SLAIN1: variants seen among roughly 807,000 people sequenced by gnomAD.
The protein encoded by SLAIN1 is SLAIN motif-containing protein 1.
Under a neutral mutation model 55.4 loss-of-function variants are expected in SLAIN1, and 17 were observed. The observed-to-expected ratio is 0.31, with a 90% CI of 0.21 to 0.46. The LOEUF (loss-of-function observed/expected upper bound fraction) is 0.46. Among genes scored for constraint, SLAIN1 ranks in the 20% least tolerant of loss-of-function variants. SLAIN1 has a pLI of 1.00. For synonymous variants in SLAIN1, 348 were observed against 337.4 expected (o/e 1.03, Z -0.35); for missense variants, 682 against 785.1 (o/e 0.87, Z 1.57).
At chr13:77,744,489 A>AG (rs1295496566) in intron 3 of SLAIN1, 57 bp downstream of exon 3, 33 of 1,600,834 alleles carry the variant, frequency 2.1e-5, no homozygotes, top group African/African-American at 2.7e-5. Context: ...ATACAGGCAG[A>AG]GGGGGAGGTT....
At chr13:77,747,353 T>C (rs1277564147) in intron 4 of SLAIN1, among the ~76,000 whole-genome samples, 1 of 152,130 alleles carries the variant, frequency 6.6e-6, no homozygotes, top group Non-Finnish European at 1.5e-5. Flanking sequence ...GGCTTCTGAT[T>C]ACGTGTCCCA....
At chr13:77,731,473 T>G (rs1872857870) in intron 2 of SLAIN1, among the ~76,000 whole-genome samples, 1 of 152,110 alleles carries the variant, frequency 6.6e-6, no homozygotes, top group Admixed American at 6.6e-5. Context: ...TGCACCCTAT[T>G]TTAACAGTGG....
chr13:77,701,906 A>T (rs1222067576), intron 1 of SLAIN1, among the ~76,000 whole-genome samples: 1 of 131,796 alleles, frequency 7.6e-6, no homozygotes, highest in Non-Finnish European at 1.6e-5. Context: ...TCCCAATGCT[A>T]TCCCTCCCCC....
rs1875197700 is a variant in SLAIN1, at chr13:77,763,226, T to C, written c.*6T>C. 12 of 1,610,928 alleles carry C rather than the reference T, an allele frequency of 7.4e-6. No homozygotes were observed. Among genetic ancestry groups the C allele is most frequent in the Admixed American group, 1.7e-5 (1 of 59,950 alleles). The stretch of plus-strand genomic sequence containing the variant: ...GGAGAGATGGTTGCTACTAATGCAG[T>C]TTTATGTACCCTTGAAAAATGGGAA... On this transcript the variant is annotated 3_prime_UTR_variant, in exon 7 of 7. Coordinates refer to ENST00000418532, the MANE Select transcript of SLAIN1 (RefSeq NM_001242868.2).
chr13:77,734,724 C>T (rs188917931), intron 2 of SLAIN1, among the ~76,000 whole-genome samples: 1 of 152,104 alleles, frequency 6.6e-6, no homozygotes, highest in Non-Finnish European at 1.5e-5. Context: ...CATTTTCTTT[C>T]AGAATGTAGA....
Position 77,698,559 on chromosome 13 carries a change from C to G in SLAIN1, c.626+20C>G, listed in dbSNP as rs1162567053. 4 of 1,404,124 alleles carry G rather than the reference C, an allele frequency of 2.8e-6. No homozygotes were observed. In the South Asian group the frequency reaches 4.8e-5, roughly 17 times the overall value. The allele number at this position is 1,404,124 out of a possible 1,614,324, so 87.0% of individuals were successfully genotyped here. ...CACCTGGTACTGCCTGGCTCCGCTC[C>G]TTCCCCGAGACCCTGGCCTCGGGGG... On this transcript the variant is annotated intron_variant, in intron 1 of 6. Transcript: ENST00000418532. The surrounding 1 kb of genome is among the most constrained non-coding windows in gnomAD (Gnocchi z 4.1).
chr13:77,727,908 C>T (rs1264859202), intron 2 of SLAIN1, among the ~76,000 whole-genome samples: 10 of 152,128 alleles, frequency 6.6e-5, no homozygotes, highest in Non-Finnish European at 1.3e-4. Flanking sequence ...AGAAATTGAA[C>T]ATAAAATACA....
At chr13:77,762,895 C>T (rs1291357550) in intron 6 of SLAIN1, among the ~76,000 whole-genome samples, 1 of 151,888 alleles carries the variant, frequency 6.6e-6, no homozygotes, top group Non-Finnish European at 1.5e-5. Context: ...GGTATTGGCC[C>T]CTTTATTTAT....
At chr13:77,737,879 G>A (rs1042800834) in intron 2 of SLAIN1, among the ~76,000 whole-genome samples, 1 of 152,060 alleles carries the variant, frequency 6.6e-6, no homozygotes, top group Non-Finnish European at 1.5e-5. Flanking sequence ...GAGGAGAACA[G>A]TCACCATATC....
chr13:77,733,693 C>T (rs928653776), intron 2 of SLAIN1, among the ~76,000 whole-genome samples: 2 of 152,144 alleles, frequency 1.3e-5, no homozygotes, highest in Non-Finnish European at 2.9e-5. Flanking sequence ...AATACACTGA[C>T]AAATACATTA....
Position 77,698,644 on chromosome 13 carries a change from G to A in SLAIN1, c.626+105G>A. On this transcript the variant is annotated intron_variant, in intron 1 of 6. Transcript: ENST00000418532. The surrounding 1 kb of genome is among the most constrained non-coding windows in gnomAD (Gnocchi z 4.1). ...CGGGGGTCCCCTCGCGGCAGCCGGG[G>A]TGACTCCCCGCGGCTCCCGGAGGGG... The A allele has an allele frequency of 7.6e-7, 1 of 1,307,204 alleles. No homozygotes were observed. Among genetic ancestry groups the A allele is most frequent in the East Asian group, 3.0e-5 (1 of 33,474 alleles). The allele number at this position is 1,307,204 out of a possible 1,614,324, so 81.0% of individuals were successfully genotyped here.
At chr13:77,729,354 G>T (rs1180651960) in intron 2 of SLAIN1, among the ~76,000 whole-genome samples, 1 of 151,850 alleles carries the variant, frequency 6.6e-6, no homozygotes, top group Non-Finnish European at 1.5e-5. Flanking sequence ...AATAATGGTT[G>T]TTCTGGTGAA....
Position 77,763,297 on chromosome 13 carries a change from T to A in SLAIN1, c.*77T>A. 9.1e-7 allele frequency: 1 copy of A among 1,104,048 alleles called. No individual in the cohort carries two copies. The highest frequency in any genetic ancestry group is 2.4e-5 in the East Asian group (1 of 42,518). The allele number at this position is 1,104,048 out of a possible 1,614,324, so 68.4% of individuals were successfully genotyped here. A position where few individuals can be genotyped will look rare whatever the true frequency, so the allele number is the denominator to read the frequency against. ...TGTTACCTAGCTGGCTGGGTAGCAG[T>A]GGATGTTGGGATATTCTTTCCCTTT... On this transcript the variant is annotated 3_prime_UTR_variant, in exon 7 of 7. Transcript: ENST00000418532.
At chr13:77,719,318 G>A (rs768206079) in intron 1 of SLAIN1, among the ~76,000 whole-genome samples, 14 of 150,364 alleles carry the variant, frequency 9.3e-5, no homozygotes, top group Non-Finnish European at 2.1e-4. Flanking sequence ...GGGGAAAATT[G>A]TTAGACCTTT....
Position 77,763,294 on chromosome 13 carries a change from C to A in SLAIN1, c.*74C>A, listed in dbSNP as rs1875207170. The A allele has an allele frequency of 8.7e-7, 1 of 1,155,556 alleles. No individual in the cohort carries two copies. The highest frequency in any genetic ancestry group is 2.3e-5 in the East Asian group (1 of 42,692). 71.6% of individuals were successfully genotyped at this position (1,155,556 alleles called of 1,614,324 possible). ...TTGTGTTACCTAGCTGGCTGGGTAG[C>A]AGTGGATGTTGGGATATTCTTTCCC... is the stretch of plus-strand genomic sequence containing the variant. On this transcript the variant is annotated 3_prime_UTR_variant, in exon 7 of 7. Transcript: ENST00000418532.
chr13:77,698,259 G>A lies in SLAIN1; in HGVS notation c.346G>A (p.Gly116Ser), dbSNP rs1209815727. Residue 116 changes from glycine (G) to serine (S), a missense_variant, in exon 1 of 7, where the codon GGT (glycine) becomes AGT (serine). Coordinates refer to ENST00000418532, the MANE Select transcript of SLAIN1 (RefSeq NM_001242868.2). The surrounding 1 kb of genome is among the most constrained non-coding windows in gnomAD (Gnocchi z 4.1). ...TGGCGGCAGCGGTAGTGGCAGCGGC[G>A]GTGGCTCCAGCCCCGCGTTCCCGGG... ...GGGGSGSGSGGGSSPAFPGTF... is the reference protein window; with the variant it reads ...GGGGSGSGSGSGSSPAFPGTF... The A allele has an allele frequency of 2.9e-6, 4 of 1,399,062 alleles. No homozygotes were observed. In the African/African-American group the frequency reaches 6.0e-5, roughly 21 times the overall value. 86.7% of individuals were successfully genotyped at this position (1,399,062 alleles called of 1,614,324 possible).
At chr13:77,761,524 G>A (rs1232779349) in intron 6 of SLAIN1, among the ~76,000 whole-genome samples, 1 of 152,118 alleles carries the variant, frequency 6.6e-6, no homozygotes, top group East Asian at 1.9e-4. Flanking sequence ...GTGTATCCCC[G>A]ATGCCAAGAA....
chr13:77,699,092 G>T (rs1249391194), intron 1 of SLAIN1: 1 of 1,511,974 alleles, frequency 6.6e-7, no homozygotes, highest in East Asian at 2.5e-5. Flanking sequence ...GCAGTCGTGT[G>T]CCCTTTTGCG....
intron 1 of SLAIN1, among the ~76,000 whole-genome samples, chr13:77,713,846 A>T (rs1404986663): frequency 6.6e-6 from 1 of 152,180 alleles, no homozygotes; most frequent in Non-Finnish European, 1.5e-5. Flanking sequence ...CAGCCATAAA[A>T]AAAGGATGAG....
Sources: gnomAD v4.1 joint callset for allele counts (sites outside exome capture counted in the v4.1 genomes callset) on GRCh38, gnomAD v4.1.1 for gene constraint, Gnocchi (gnomAD v3.1) non-coding constraint, MANE v1.5 for transcripts, NCBI Gene and HGNC (gene_info 2026-07-23, HGNC 2026-07-21) for gene names.